Variants in MAST4 observed in about 807,000 individuals in gnomAD.
MAST4 encodes microtubule associated serine/threonine kinase family member 4.
MAST4 carries 89 observed loss-of-function variants against 162.7 expected under a neutral mutation model. That is an observed-to-expected ratio of 0.55 (90% CI 0.46 to 0.65). The LOEUF (loss-of-function observed/expected upper bound fraction) is 0.65, where lower values mean the gene tolerates loss of function less well. MAST4 is among the 30% of genes least tolerant of loss of function. MAST4 has a pLI of 0.00. For synonymous variants in MAST4, 1,479 were observed against 1,361.1 expected (o/e 1.09, Z -1.91); for missense variants, 3,153 against 3,374.0 (o/e 0.93, Z 1.62).
chr5:66,633,525 T>C (rs1226247109), intron 1 of MAST4, among the ~76,000 whole-genome samples: 1 of 152,220 alleles, frequency 6.6e-6, no homozygotes, highest in East Asian at 1.9e-4. Flanking sequence ...CACCATGCTT[T>C]CTTTGGCTGT....
In MAST4 at chr5:67,066,271, A is replaced by G. The variant is rs1189163626; in HGVS notation, c.763+11779A>G. The stretch of plus-strand genomic sequence containing the variant: ...CTATATTGTCCCCCTTAAAAGAAAC[A>G]TATAGATAAAAGAAAATAGAAATAA... On this transcript the variant is annotated intron_variant, in intron 5 of 28. Coordinates refer to ENST00000403625, the MANE Select transcript of MAST4 (RefSeq NM_001164664.2). 3.3e-5 allele frequency among the ~76,000 whole-genome samples: 5 copies of G among 151,984 alleles called. No homozygotes were observed. In the East Asian group the frequency reaches 7.7e-4, roughly 23 times the overall value.
At position 66,974,507 on chromosome 5, in the gene MAST4, G is replaced by C. The variant is rs866766727; in HGVS notation, c.674+74525G>C. On this transcript the variant is annotated intron_variant, in intron 4 of 28. Transcript: ENST00000403625. ...TGCTTCTAGTAGTTTTCCTGCCTTT[G>C]GGTTCTGGTAGTATTCAGAAGTATT... 3.3e-5 allele frequency among the ~76,000 whole-genome samples: 5 copies of C among 152,304 alleles called. No individual in the cohort carries two copies. The South Asian group carries it at 1.0e-3, about 32-fold the overall frequency.
intron 4 of MAST4, among the ~76,000 whole-genome samples, chr5:66,990,188 G>A (rs1472082037): frequency 2.6e-5 from 4 of 152,040 alleles, no homozygotes; most frequent in Non-Finnish European, 1.5e-5. Context: ...ATTTTGTTTG[G>A]AAATTTTAAA....
chr5:66,994,666 G>A (rs1394692105), intron 4 of MAST4, among the ~76,000 whole-genome samples: 2 of 152,180 alleles, frequency 1.3e-5, no homozygotes, highest in South Asian at 2.1e-4. Flanking sequence ...CAGAAACGTC[G>A]TCTTTACCTT....
intron 1 of MAST4, among the ~76,000 whole-genome samples, chr5:66,656,583 G>A (rs1746564124): frequency 1.3e-5 from 2 of 152,112 alleles, no homozygotes; most frequent in Admixed American, 6.6e-5. Flanking sequence ...CTGTGGGGGT[G>A]GGACTCTAGA....
chr5:66,983,086 G>A (rs951879727), intron 4 of MAST4, among the ~76,000 whole-genome samples: 13 of 152,154 alleles, frequency 8.5e-5, no homozygotes, highest in South Asian at 4.1e-4. Context: ...ACTTCATTTC[G>A]TGGAGGTAGA....
At chr5:66,914,549 G>A (rs1185360482) in intron 4 of MAST4, among the ~76,000 whole-genome samples, 3 of 151,758 alleles carry the variant, frequency 2.0e-5, no homozygotes, top group Non-Finnish European at 4.4e-5. Flanking sequence ...ATAGAGAGGG[G>A]GTAGAAGAGG....
At chr5:66,836,199 G>A (rs1442014687) in intron 3 of MAST4, among the ~76,000 whole-genome samples, 3 of 151,894 alleles carry the variant, frequency 2.0e-5, no homozygotes, top group African/African-American at 4.8e-5. Flanking sequence ...CTTTTGACAA[G>A]TATTTAATGA....
chr5:67,051,373 A>C (rs976851162), intron 4 of MAST4, among the ~76,000 whole-genome samples: 1 of 152,110 alleles, frequency 6.6e-6, no homozygotes, highest in Non-Finnish European at 1.5e-5. Flanking sequence ...CATGGGCAGG[A>C]AAGTGTGTGA....
At chr5:66,741,427 G>C (rs1752471335) in intron 1 of MAST4, among the ~76,000 whole-genome samples, 1 of 152,162 alleles carries the variant, frequency 6.6e-6, no homozygotes, top group African/African-American at 2.4e-5. Flanking sequence ...TAAAGGGCCA[G>C]ATAGTAAATA....
intron 1 of MAST4, among the ~76,000 whole-genome samples, chr5:66,724,931 A>G (rs1037816700): frequency 2.0e-5 from 3 of 152,044 alleles, no homozygotes; most frequent in Non-Finnish European, 4.4e-5. Context: ...GGCTCCCTCT[A>G]TAGGCCACAG....
chr5:67,162,386 G>C (rs1773285800), intron 27 of MAST4, among the ~76,000 whole-genome samples: 3 of 152,156 alleles, frequency 2.0e-5, no homozygotes, highest in Admixed American at 2.0e-4. Context: ...CTTCTTAAGT[G>C]TTTGGAATTG....
chr5:66,616,328 G>A (rs186116226), intron 1 of MAST4, among the ~76,000 whole-genome samples: 5 of 152,258 alleles, frequency 3.3e-5, no homozygotes, highest in African/African-American at 9.6e-5. Context: ...GTTGGATTCA[G>A]AGAAGAGATG....
chr5:66,784,145 G>A (rs555904810), intron 2 of MAST4, among the ~76,000 whole-genome samples: 261 of 152,014 alleles, frequency 1.7e-3, no homozygotes, highest in Non-Finnish European at 2.8e-3. Context: ...AACCTAGGAC[G>A]TAGGAGTCCT....
intron 1 of MAST4, among the ~76,000 whole-genome samples, chr5:66,748,053 G>C (rs766743517): frequency 6.6e-6 from 1 of 152,090 alleles, no homozygotes; most frequent in South Asian, 2.1e-4. Context: ...CTTTGCCAGG[G>C]GATTTCTAGG....
At chr5:67,072,713 A>T (rs1224247800) in intron 5 of MAST4, among the ~76,000 whole-genome samples, 1 of 152,240 alleles carries the variant, frequency 6.6e-6, no homozygotes, top group Admixed American at 6.5e-5. Context: ...TATATTACCA[A>T]CTATGACAAG....
intron 1 of MAST4, among the ~76,000 whole-genome samples, chr5:66,612,375 G>C (rs1406660974): frequency 6.6e-6 from 1 of 152,162 alleles, no homozygotes; most frequent in Non-Finnish European, 1.5e-5. Flanking sequence ...TCCATTATTG[G>C]TGGTGAGGTT....
chr5:66,991,384 A>G (rs1750052871), intron 4 of MAST4, among the ~76,000 whole-genome samples: 2 of 152,172 alleles, frequency 1.3e-5, no homozygotes, highest in Non-Finnish European at 2.9e-5. Flanking sequence ...TTGATAGATG[A>G]GTGTTAGACT....
intron 5 of MAST4, 103 bp from the exon 6 acceptor site, chr5:67,090,059 T>G (rs1763657741): frequency 6.6e-6 from 5 of 758,318 alleles, no homozygotes; most frequent in Non-Finnish European, 1.0e-5. Context: ...GGAAAGGACA[T>G]TCTACAGAAA....
Sources: gnomAD v4.1 joint callset for allele counts (sites outside exome capture counted in the v4.1 genomes callset) on GRCh38, gnomAD v4.1.1 for gene constraint, MANE v1.5 for transcripts, NCBI Gene and HGNC (gene_info 2026-07-23, HGNC 2026-07-21) for gene names.